The following NEDD4L variants were observed in gnomAD, a reference collection of about 807,000 sequenced individuals.
NEDD4L encodes NEDD4 like E3 ubiquitin protein ligase.
Under a neutral mutation model 148.9 loss-of-function variants are expected in NEDD4L, and 54 were observed. That is an observed-to-expected ratio of 0.36 (90% CI 0.29 to 0.45). NEDD4L has a LOEUF of 0.45. Among genes scored for constraint, NEDD4L ranks in the 20% least tolerant of loss-of-function variants. NEDD4L has a pLI of 1.00. For synonymous variants in NEDD4L, 433 were observed against 440.7 expected (o/e 0.98, Z 0.22); for missense variants, 856 against 1,233.8 (o/e 0.69, Z 4.59).
At position 58,245,433 on chromosome 18, in the gene NEDD4L, G is replaced by T. The variant is rs564001263; in HGVS notation, c.129G>T (p.Pro43=). 1.7e-5 allele frequency: 26 copies of T among 1,517,592 alleles called. No homozygotes were observed. In the Admixed American group the frequency reaches 3.4e-4, roughly 20 times the overall value. 94.0% of individuals were successfully genotyped at this position (1,517,592 alleles called of 1,614,324 possible). A position where few individuals can be genotyped will look rare whatever the true frequency, so the allele number is the denominator to read the frequency against. Residue 43 remains proline, a synonymous_variant, in exon 3 of 31, where the codon CCG becomes CCT. Coordinates refer to ENST00000400345, the MANE Select transcript of NEDD4L (RefSeq NM_001144967.3). The stretch of plus-strand genomic sequence containing the variant: ...CTAAAATATTTTCTTACAGTGATCC[G>T]TATGTGAAACTTTCATTGTACGTAG... The part of the protein sequence containing the change: ...AKKDIFGASD[P]YVKLSLYVAD...
At chr18:58,168,083 G>A (rs2037097887) in intron 2 of NEDD4L, among the ~76,000 whole-genome samples, 2 of 152,194 alleles carry the variant, frequency 1.3e-5, no homozygotes, top group Non-Finnish European at 2.9e-5. Flanking sequence ...GGGACATGGT[G>A]GAAAGGAATA....
chr18:58,198,028 TCAGACACC>T (rs755691630), intron 2 of NEDD4L, among the ~76,000 whole-genome samples: 22 of 152,096 alleles, frequency 1.4e-4, no homozygotes, highest in Non-Finnish European at 3.1e-4. Flanking sequence ...ACCTTTCTGC[TCAGACACC>T]CCTTGGCACC....
At chr18:58,349,446 T>G (rs1180548314) in intron 16 of NEDD4L, 91 bp from the exon 17 acceptor site, 2 of 1,075,532 alleles carry the variant, frequency 1.9e-6, no homozygotes, top group Non-Finnish European at 2.9e-6. Context: ...CCTGGTTGCC[T>G]TGAAACAAAC....
chr18:58,090,397 A>G (rs1285520250), intron 1 of NEDD4L, among the ~76,000 whole-genome samples: 1 of 152,176 alleles, frequency 6.6e-6, no homozygotes, highest in Non-Finnish European at 1.5e-5. Flanking sequence ...TTTCTTTGGT[A>G]TGAGAACTCC....
intron 5 of NEDD4L, among the ~76,000 whole-genome samples, chr18:58,289,660 C>G (rs747089910): frequency 1.2e-4 from 19 of 152,130 alleles, no homozygotes; most frequent in Non-Finnish European, 2.2e-4. Flanking sequence ...AAGAGAAGCT[C>G]TTAGTAATTA....
At chr18:58,179,257 C>A (rs502552) in intron 2 of NEDD4L, among the ~76,000 whole-genome samples, 114,304 of 152,092 alleles carry the variant, frequency 0.75, 43,378 homozygotes, top group African/African-American at 0.85. Flanking sequence ...TGAGACTTCA[C>A]CCACTAGTGG....
rs144950752 is a variant in NEDD4L at position 58,276,571 on chromosome 18, C to A, written c.297+24517C>A. Among the ~76,000 whole-genome samples, 273 of 151,880 alleles carry A rather than the reference C, an allele frequency of 1.8e-3. 2 individuals carry two copies. The highest frequency in any genetic ancestry group is 6.1e-3 in the African/African-American group (251 of 41,418). The stretch of plus-strand genomic sequence containing the variant: ...TGACTTAACTTTTCTGAATCTGTTT[C>A]CCTATTTGTAAAATGACAATACTTG... On this transcript the variant is annotated intron_variant, in intron 5 of 30. Coordinates refer to ENST00000400345, the MANE Select transcript of NEDD4L (RefSeq NM_001144967.3).
At chr18:58,355,523 G>T (rs1318032271) in intron 18 of NEDD4L, among the ~76,000 whole-genome samples, 8 of 152,170 alleles carry the variant, frequency 5.3e-5, no homozygotes, top group African/African-American at 1.9e-4. Context: ...TTTATTTTCT[G>T]CTTTGATGAC....
At chr18:58,290,183 G>A (rs2054520206) in intron 5 of NEDD4L, among the ~76,000 whole-genome samples, 1 of 151,946 alleles carries the variant, frequency 6.6e-6, no homozygotes, top group Non-Finnish European at 1.5e-5. Flanking sequence ...CATATTTATA[G>A]AATGAATGAA....
intron 1 of NEDD4L, among the ~76,000 whole-genome samples, chr18:58,093,050 G>C (rs2084178677): frequency 6.6e-6 from 1 of 151,810 alleles, no homozygotes; most frequent in African/African-American, 2.4e-5. Context: ...TTTTTAGTAG[G>C]GACGGAGTAT....
chr18:58,056,582 T>A (rs996233549), intron 1 of NEDD4L, among the ~76,000 whole-genome samples: 14 of 152,152 alleles, frequency 9.2e-5, no homozygotes, highest in Admixed American at 2.6e-4. Flanking sequence ...TGCCTTTTTT[T>A]ATTTTTTTAC....
At chr18:58,118,575 A>G (rs2086011384) in intron 1 of NEDD4L, among the ~76,000 whole-genome samples, 1 of 151,954 alleles carries the variant, frequency 6.6e-6, no homozygotes, top group South Asian at 2.1e-4. Flanking sequence ...CCTCTTGTTC[A>G]TCCTCCCTTT....
intron 22 of NEDD4L, among the ~76,000 whole-genome samples, chr18:58,369,356 C>G (rs1218690541): frequency 2.0e-5 from 3 of 152,192 alleles, no homozygotes; most frequent in Non-Finnish European, 2.9e-5. Context: ...CGATATAAAC[C>G]TGGAATTGCA....
At chr18:58,188,626 C>T (rs960961469) in intron 2 of NEDD4L, among the ~76,000 whole-genome samples, 3 of 152,256 alleles carry the variant, frequency 2.0e-5, no homozygotes, top group Non-Finnish European at 1.5e-5. Context: ...CCCTGTGTTG[C>T]TCTGGTCCCA....
intron 5 of NEDD4L, chr18:58,255,795 G>C: frequency 8.1e-7 from 1 of 1,232,620 alleles, no homozygotes; most frequent in Non-Finnish European, 1.0e-6. Context: ...CAGAACGGAG[G>C]GGAGGACGGC....
intron 1 of NEDD4L, among the ~76,000 whole-genome samples, chr18:58,095,913 T>G (rs77643196): frequency 0.095 from 14,490 of 151,916 alleles, 815 homozygotes; most frequent in Admixed American, 0.15. Context: ...ATTATGAGCC[T>G]TTTGTGTGAT....
intron 30 of NEDD4L, among the ~76,000 whole-genome samples, chr18:58,392,537 T>G (rs969554314): frequency 4.8e-5 from 6 of 125,756 alleles, no homozygotes; most frequent in African/African-American, 7.1e-5. Flanking sequence ...CAGAAAGGTG[T>G]TTTTTTTTTC....
chr18:58,114,613 G>A (rs2085655878), intron 1 of NEDD4L, among the ~76,000 whole-genome samples: 2 of 152,250 alleles, frequency 1.3e-5, no homozygotes, highest in Admixed American at 1.3e-4. Flanking sequence ...TGTGGCTGCT[G>A]TAAGGCAGGA....
In NEDD4L at chr18:58,114,163, C is replaced by CA. The variant is rs558243256; in HGVS notation, c.49-51625_49-51624insA. On this transcript the variant is annotated intron_variant, in intron 1 of 30. Coordinates refer to ENST00000400345, the MANE Select transcript of NEDD4L (RefSeq NM_001144967.3). ...GCATTCTTAAACAACTCTGAGTGAC[C>CA]CTTCCATCATTACAATTTATCAACT... Among the ~76,000 whole-genome samples the CA allele has an allele frequency of 2.8e-4, 42 of 152,186 alleles. 1 individual carries two copies. The East Asian group carries it at 7.5e-3, about 27-fold the overall frequency.
Sources: gnomAD v4.1 joint callset for allele counts (sites outside exome capture counted in the v4.1 genomes callset) on GRCh38, gnomAD v4.1.1 for gene constraint, MANE v1.5 for transcripts, NCBI Gene and HGNC (gene_info 2026-07-23, HGNC 2026-07-21) for gene names.